ZNF385D: variants seen among roughly 807,000 people sequenced by gnomAD.
ZNF385D encodes zinc finger protein 385D.
ZNF385D carries 15 observed loss-of-function variants against 35.8 expected under a neutral mutation model. The ratio of observed to expected loss-of-function variants is 0.42; its 90% confidence interval spans 0.28 to 0.64. The LOEUF (loss-of-function observed/expected upper bound fraction) is 0.64, where lower values mean the gene tolerates loss of function less well. ZNF385D is among the 30% of genes least tolerant of loss of function. The probability of loss-of-function intolerance (pLI) is 0.23; values close to 1 mark genes in which losing one functional copy is unlikely to be tolerated. For missense variants in ZNF385D, 474 were observed against 494.6 expected, an observed-to-expected ratio of 0.96 and a Z score of 0.39; for synonymous variants, 212 against 186.8, an observed-to-expected ratio of 1.13 and a Z score of -1.10.
intron 3 of ZNF385D, among the ~76,000 whole-genome samples, chr3:21,521,724 C>T (rs751816481): frequency 2.4e-4 from 36 of 151,868 alleles, no homozygotes; most frequent in Non-Finnish European, 4.3e-4. Flanking sequence ...GCCTAGTCAA[C>T]GGAGTGAGAT....
intron 4 of ZNF385D, among the ~76,000 whole-genome samples, chr3:21,446,105 A>G (rs1047221691): frequency 1.3e-5 from 2 of 152,194 alleles, no homozygotes; most frequent in Admixed American, 6.5e-5. Flanking sequence ...CTGATTCAGT[A>G]TGTATAGGGT....
At chr3:21,782,375 A>G (rs1339337650) in intron 3 of ZNF385D, among the ~76,000 whole-genome samples, 1 of 152,114 alleles carries the variant, frequency 6.6e-6, no homozygotes, top group Non-Finnish European at 1.5e-5. Context: ...GAGAGTTTAA[A>G]TATTTCTTTT....
At chr3:21,886,727 G>C (rs2255031) in intron 3 of ZNF385D, among the ~76,000 whole-genome samples, 64,485 of 152,004 alleles carry the variant, frequency 0.42, 13,982 homozygotes, top group East Asian at 0.55. Context: ...TTGCCAAAGA[G>C]AATTATAAGC....
intron 2 of ZNF385D, among the ~76,000 whole-genome samples, chr3:21,587,691 A>G (rs1298587509): frequency 6.6e-6 from 1 of 152,124 alleles, no homozygotes; most frequent in Admixed American, 6.5e-5. Context: ...AATTATTGGT[A>G]TAACTGAAGA....
intron 3 of ZNF385D, among the ~76,000 whole-genome samples, chr3:22,093,649 C>T (rs990062254): frequency 6.6e-6 from 1 of 152,082 alleles, no homozygotes; most frequent in African/African-American, 2.4e-5. Flanking sequence ...TCACTCACCT[C>T]TGTCTTCCCA....
intron 3 of ZNF385D, among the ~76,000 whole-genome samples, chr3:21,774,024 G>A (rs1453164195): frequency 1.3e-5 from 2 of 151,972 alleles, no homozygotes; most frequent in Non-Finnish European, 2.9e-5. Flanking sequence ...CAACCCAAAT[G>A]CCCATCAATG....
In ZNF385D at chr3:21,943,613, A is replaced by T. The variant is rs949068010; in HGVS notation, c.325+225204T>A. 7.2e-5 allele frequency among the ~76,000 whole-genome samples: 11 copies of T among 152,210 alleles called. No individual in the cohort carries two copies. The East Asian group carries it at 1.7e-3, about 24-fold the overall frequency. On this transcript the variant is annotated intron_variant, in intron 3 of 5. Transcript: ENST00000494108. ...AACAAATTATATATACTACTTTGTA[A>T]GGGAAATGTCTTTTATGTACATAAT... is the stretch of plus-strand genomic sequence containing the variant.
At chr3:21,694,478 C>T (rs2067400743) in intron 1 of ZNF385D, among the ~76,000 whole-genome samples, 1 of 152,184 alleles carries the variant, frequency 6.6e-6, no homozygotes, top group African/African-American at 2.4e-5. Flanking sequence ...TGGCCTGAAT[C>T]TGCTTTCTCT....
At chr3:21,845,420 C>T (rs1206310745) in intron 3 of ZNF385D, among the ~76,000 whole-genome samples, 4 of 151,990 alleles carry the variant, frequency 2.6e-5, no homozygotes, top group Non-Finnish European at 5.9e-5. Context: ...CTCTCTTCTT[C>T]TCCTTCTCTT....
chr3:22,258,141 GAACA>G (rs1700411230), intron 2 of ZNF385D, among the ~76,000 whole-genome samples: 2 of 151,656 alleles, frequency 1.3e-5, no homozygotes, highest in Non-Finnish European at 3.0e-5. Context: ...TTTATAAATA[GAACA>G]GATTCCACTT....
At chr3:22,090,207 G>C (rs573732464) in intron 3 of ZNF385D, among the ~76,000 whole-genome samples, 90 of 152,216 alleles carry the variant, frequency 5.9e-4, no homozygotes, top group Middle Eastern at 6.8e-3. Context: ...TCTGGGAATG[G>C]TCCCAGGAGA....
chr3:21,871,220 C>T (rs1377537998), intron 3 of ZNF385D, among the ~76,000 whole-genome samples: 1 of 152,090 alleles, frequency 6.6e-6, no homozygotes, highest in Non-Finnish European at 1.5e-5. Flanking sequence ...CTACCTAGAA[C>T]ATTCTTCCCC....
chr3:22,121,890 T>G (rs1272448641), intron 3 of ZNF385D, among the ~76,000 whole-genome samples: 1 of 152,078 alleles, frequency 6.6e-6, no homozygotes, highest in Admixed American at 6.6e-5. Flanking sequence ...TAACTGTATG[T>G]TAGTATCTAT....
chr3:21,869,855 A>G (rs1214810088), intron 3 of ZNF385D, among the ~76,000 whole-genome samples: 1 of 152,110 alleles, frequency 6.6e-6, no homozygotes, highest in East Asian at 1.9e-4. Flanking sequence ...GTAGTTCAAT[A>G]AAGTAGGTGT....
upstream of ZNF385D, chr3:21,751,323 T>G (rs947508566): frequency 3.8e-6 from 4 of 1,065,708 alleles, no homozygotes; most frequent in Non-Finnish European, 4.6e-6. Context: ...TCGGGAAGCT[T>G]TGACGAGCCC....
intron 3 of ZNF385D, among the ~76,000 whole-genome samples, chr3:21,842,708 T>G (rs1362371175): frequency 1.3e-5 from 2 of 152,090 alleles, no homozygotes; most frequent in African/African-American, 2.4e-5. Flanking sequence ...ATGCAGTCAA[T>G]CCATCACCTT....
Position 21,968,821 on chromosome 3 carries a change from C to A in ZNF385D, c.325+199996G>T, listed in dbSNP as rs537486895. Reference sequence around the variant, plus strand: ...CTATGTTAGCTAAAGGGAGAGACTCCTTTTGCTTAAGGAAAGGAGAAAAAA... The same window carrying A: ...CTATGTTAGCTAAAGGGAGAGACTCATTTTGCTTAAGGAAAGGAGAAAAAA... On this transcript the variant is annotated intron_variant, in intron 3 of 5. Coordinates refer to the ZNF385D transcript ENST00000494108. 3.3e-5 allele frequency among the ~76,000 whole-genome samples: 5 copies of A among 152,242 alleles called. No individual in the cohort carries two copies. The South Asian group carries it at 1.0e-3, about 32-fold the overall frequency.
rs534689910 is a variant in ZNF385D at position 21,539,240 on chromosome 3, T to C, written c.276+25334A>G. Among the ~76,000 whole-genome samples, 29 of 151,776 alleles carry C rather than the reference T, an allele frequency of 1.9e-4. No individual in the cohort carries two copies. The highest frequency in any genetic ancestry group is 4.1e-4 in the Non-Finnish European group (28 of 68,022). ...TGTTTAGTTCAGCTTTTCAAAACACTGAATGCCTATTCAGTGCTGTGTGGC... is the reference window on the plus strand; with the variant it reads ...TGTTTAGTTCAGCTTTTCAAAACACCGAATGCCTATTCAGTGCTGTGTGGC... On this transcript the variant is annotated intron_variant, in intron 3 of 7. Coordinates refer to ENST00000281523, the MANE Select transcript of ZNF385D (RefSeq NM_024697.3). The surrounding 1 kb of genome is among the most constrained non-coding windows in gnomAD (Gnocchi z 4.0).
intron 3 of ZNF385D, among the ~76,000 whole-genome samples, chr3:22,037,532 A>G (rs547693372): frequency 9.2e-5 from 14 of 152,068 alleles, no homozygotes; most frequent in Admixed American, 4.6e-4. Context: ...GTCTGTTCAT[A>G]TCCTTCACCC....
Sources: allele counts gnomAD v4.1 joint callset (sites outside exome capture counted in the v4.1 genomes callset), GRCh38; gene constraint gnomAD v4.1.1; non-coding constraint Gnocchi (gnomAD v3.1); transcripts MANE v1.5; gene names NCBI Gene and HGNC (gene_info 2026-07-23, HGNC 2026-07-21).